PTK2B: variants seen among roughly 807,000 people sequenced by gnomAD.
The protein encoded by PTK2B is protein tyrosine kinase 2 beta.
PTK2B carries 71 observed loss-of-function variants against 142.9 expected under a neutral mutation model. The ratio of observed to expected loss-of-function variants is 0.50; its 90% confidence interval spans 0.41 to 0.61. PTK2B has a LOEUF of 0.61. Among genes scored for constraint, PTK2B ranks in the 20% least tolerant of loss-of-function variants. The pLI, the probability that PTK2B is intolerant of heterozygous loss-of-function variation, is 0.00. For missense variants in PTK2B, 1,105 were observed against 1,320.4 expected, an observed-to-expected ratio of 0.84 and a Z score of 2.53; for synonymous variants, 519 against 503.4, an observed-to-expected ratio of 1.03 and a Z score of -0.42.
chr8:27,415,147 A>T (rs1444590330), intron 2 of PTK2B, among the ~76,000 whole-genome samples: 6 of 152,148 alleles, frequency 3.9e-5, no homozygotes, highest in Non-Finnish European at 1.5e-5. Context: ...TATCTAATTT[A>T]ATCCTCATAA....
chr8:27,371,672 C>T (rs1332705764), intron 1 of PTK2B, among the ~76,000 whole-genome samples: 2 of 152,072 alleles, frequency 1.3e-5, no homozygotes, highest in Non-Finnish European at 2.9e-5. Flanking sequence ...CTCGGCATCC[C>T]AAGTAGCTGG....
intron 14 of PTK2B, 57 bp downstream of exon 14, chr8:27,435,850 C>T: frequency 6.4e-7 from 1 of 1,562,340 alleles, no homozygotes; most frequent in Non-Finnish European, 8.8e-7. Flanking sequence ...AATGACATGG[C>T]AAGGACTCTG....
chr8:27,405,035 C>CCTCTCTCT (rs3076734), intron 2 of PTK2B, among the ~76,000 whole-genome samples: 1,698 of 119,442 alleles, frequency 0.014, 64 homozygotes, highest in Admixed American at 0.022. Flanking sequence ...TCTTTCTCTT[C>CCTCTCTCT]CTCTCTCTCT....
At chr8:27,434,373 G>A (rs1810636846) in intron 12 of PTK2B, 140 bp from the exon 13 acceptor site, 2 of 1,095,088 alleles carry the variant, frequency 1.8e-6, no homozygotes, top group Non-Finnish European at 2.6e-6. Context: ...CCAGCAGCCT[G>A]GGCTGTGCTC....
At chr8:27,454,740 T>C in intron 30 of PTK2B, 129 bp downstream of exon 30, 1 of 942,014 alleles carries the variant, frequency 1.1e-6, no homozygotes, top group Non-Finnish European at 1.6e-6. Context: ...AGGTGGGTTC[T>C]ATGTGGCTTA....
chr8:27,378,242 C>G (rs894052771), intron 1 of PTK2B, among the ~76,000 whole-genome samples: 2 of 152,158 alleles, frequency 1.3e-5, no homozygotes, highest in African/African-American at 4.8e-5. Flanking sequence ...AATTATAGAC[C>G]AAGACAATGA....
In PTK2B at chr8:27,433,334, C is replaced by A. The variant is rs1810558899; in HGVS notation, c.988-101C>A. 7 of 1,014,364 alleles carry A rather than the reference C, an allele frequency of 6.9e-6. 1 individual carries two copies. The highest frequency in any genetic ancestry group is 5.8e-5 in the South Asian group (4 of 68,642). The allele number at this position is 1,014,364 out of a possible 1,614,324, so 62.8% of individuals were successfully genotyped here. Reference sequence around the variant, plus strand: ...GGTGCAGACAGCATTGGCATCCAGGCAAGGGTTGTGGCAGGGGTCCTGCCA... The same window carrying A: ...GGTGCAGACAGCATTGGCATCCAGGAAAGGGTTGTGGCAGGGGTCCTGCCA... On this transcript the variant is annotated intron_variant, in intron 10 of 30. Coordinates refer to ENST00000346049, the MANE Select transcript of PTK2B (RefSeq NM_173176.3).
intron 1 of PTK2B, among the ~76,000 whole-genome samples, chr8:27,339,478 C>G (rs780119184): frequency 6.6e-6 from 1 of 152,114 alleles, no homozygotes. Context: ...AATGTGTCAG[C>G]TGGCAAATGG....
At position 27,348,833 on chromosome 8, in the gene PTK2B, G is replaced by T. The variant is rs866225877; in HGVS notation, c.-38+23152G>T. Among the ~76,000 whole-genome samples the T allele has an allele frequency of 8.5e-5, 13 of 152,048 alleles. No homozygotes were observed. In the Middle Eastern group the frequency reaches 0.01, roughly 119 times the overall value. On this transcript the variant is annotated intron_variant, in intron 1 of 30. Transcript: ENST00000346049. ...CTTGCAGAATCCTCTCTACTCCCAC[G>T]CAGCCCTGCCCTGTACCAAGCCACA...
At chr8:27,418,027 G>A (rs1379071366) in intron 2 of PTK2B, among the ~76,000 whole-genome samples, 4 of 152,190 alleles carry the variant, frequency 2.6e-5, no homozygotes, top group African/African-American at 9.7e-5. Context: ...CCAACCAGAT[G>A]TCCCTCTCAC....
chr8:27,319,288 G>A (rs1165439527), intron 3 of PTK2B, among the ~76,000 whole-genome samples: 1 of 148,670 alleles, frequency 6.7e-6, no homozygotes, highest in Non-Finnish European at 1.5e-5. Context: ...TTTTTTTTTG[G>A]ATGGGGGAGG....
intron 24 of PTK2B, among the ~76,000 whole-genome samples, chr8:27,446,753 G>A (rs559965928): frequency 3.3e-5 from 5 of 152,256 alleles, no homozygotes; most frequent in Admixed American, 2.6e-4. Flanking sequence ...AAAAAAATTA[G>A]ATGTTTATCA....
intron 2 of PTK2B, among the ~76,000 whole-genome samples, chr8:27,411,214 G>A (rs1222021197): frequency 1.3e-5 from 2 of 152,146 alleles, no homozygotes; most frequent in Non-Finnish European, 2.9e-5. Flanking sequence ...TCTGGGTGGA[G>A]TGCTGATCTT....
At chr8:27,450,407 A>G (rs1263121331) in intron 24 of PTK2B, among the ~76,000 whole-genome samples, 2 of 152,208 alleles carry the variant, frequency 1.3e-5, no homozygotes, top group Non-Finnish European at 2.9e-5. Context: ...TTCTTTTTAA[A>G]ATATATTAAA....
rs1404439078 is a variant in PTK2B, at chr8:27,350,991, ATATATATATATATATATATATATAT to A, written c.-38+25311_-38+25335del. 5.2e-4 allele frequency among the ~76,000 whole-genome samples: 12 copies of A among 23,048 alleles called. 4 individuals carry two copies. The highest frequency in any genetic ancestry group is 7.3e-4 in the African/African-American group (3 of 4,136). The allele number at this position is 23,048 out of a possible 152,430, so 15.1% of individuals were successfully genotyped here. A position where few individuals can be genotyped will look rare whatever the true frequency, so the allele number is the denominator to read the frequency against. Reference sequence around the variant, plus strand: ...TCTCCGTCTCAAAAAAAAAAAAAAAATATATATATATATATATATATATATATATATATATATATATATATATATA... The same window carrying A: ...TCTCCGTCTCAAAAAAAAAAAAAAAAATATATATATATATATATATATATA... On this transcript the variant is annotated intron_variant, in intron 1 of 30. Transcript: ENST00000346049.
intron 2 of PTK2B, 116 bp downstream of exon 2, chr8:27,397,904 G>A (rs1036424759): frequency 1.5e-5 from 19 of 1,262,036 alleles, no homozygotes; most frequent in Non-Finnish European, 2.0e-5. Context: ...GGGTGGAAGA[G>A]GTGAGGTGGC....
chr8:27,311,021 T>C (rs1398706448), upstream of PTK2B: 6 of 1,609,410 alleles, frequency 3.7e-6, no homozygotes, highest in East Asian at 4.5e-5. Context: ...GAGGGTGTGG[T>C]TGGTGCGCAG....
At chr8:27,454,685 G>C (rs1161687124) in intron 30 of PTK2B, 74 bp downstream of exon 30, 4 of 1,495,284 alleles carry the variant, frequency 2.7e-6, no homozygotes, top group Non-Finnish European at 3.7e-6. Context: ...AGAGGCTCAT[G>C]ATGGCTGCCT....
At chr8:27,429,912 T>C (rs1164748626) in intron 5 of PTK2B, among the ~76,000 whole-genome samples, 181 bp from the exon 6 acceptor site, 1 of 152,198 alleles carries the variant, frequency 6.6e-6, no homozygotes, top group African/African-American at 2.4e-5. Flanking sequence ...GAATGACATT[T>C]GTGGGGTTTC....
Sources: gnomAD v4.1 joint callset for allele counts (sites outside exome capture counted in the v4.1 genomes callset) on GRCh38, gnomAD v4.1.1 for gene constraint, MANE v1.5 for transcripts, NCBI Gene and HGNC (gene_info 2026-07-23, HGNC 2026-07-21) for gene names.